VGF: variants seen among roughly 807,000 people sequenced by gnomAD.
VGF encodes the protein VGF nerve growth factor inducible.
VGF carries 13 observed loss-of-function variants against 41.1 expected under a neutral mutation model. The ratio of observed to expected loss-of-function variants is 0.32; its 90% CI spans 0.21 to 0.50. The LOEUF (loss-of-function observed/expected upper bound fraction) is 0.50. VGF is among the 20% of genes least tolerant of loss of function. The pLI is 0.98. For synonymous variants in VGF, 473 were observed against 418.3 expected (o/e 1.13, Z -1.60); for missense variants, 920 against 882.1 (o/e 1.04, Z -0.54).
Position 101,164,499 on chromosome 7 carries a change from C to CTGGCTGCTGAAGA in VGF, c.344_345insTCTTCAGCAGCCA (p.Thr116LeufsTer62). ...GGGTCTGGCTGCGCACGGTCTCGGT[C>CTGGCTGCTGAAGA]AGCAGAGCTTCAGCTGCTTCTTCCT... On this transcript the variant is annotated frameshift_variant, in exon 2 of 2. Transcript: ENST00000249330. LOFTEE classifies it high-confidence loss of function. The CTGGCTGCTGAAGA allele has an allele frequency of 6.2e-7, 1 of 1,601,056 alleles. No homozygotes were observed.
upstream of VGF, among the ~76,000 whole-genome samples, chr7:101,167,555 G>A (rs1288419324): frequency 6.6e-6 from 1 of 152,110 alleles, no homozygotes; most frequent in African/African-American, 2.4e-5. This position sits in a 1 kb window ranked among gnomAD's most constrained non-coding sequence, Gnocchi z 4.2. Context: ...TTCCTGAGGA[G>A]GATGAATCAG....
chr7:101,167,822 C>T (rs572557297), upstream of VGF, among the ~76,000 whole-genome samples: 116 of 150,018 alleles, frequency 7.7e-4, no homozygotes, highest in Middle Eastern at 3.4e-3. The surrounding 1 kb of genome is among the most constrained non-coding windows in gnomAD (Gnocchi z 4.2). Flanking sequence ...GATACATGGC[C>T]GGGGCGGGGA....
intron 1 of VGF, 45 bp from the exon 2 acceptor site, chr7:101,164,908 T>C: frequency 6.8e-7 from 1 of 1,481,280 alleles, no homozygotes; most frequent in Non-Finnish European, 9.0e-7. Flanking sequence ...CTGTAAGAAT[T>C]CCCCTCTCTA....
rs773777980 is a variant in VGF, at chr7:101,164,394, G to T, written c.450C>A (p.Ser150Arg). ...PQTPENGPEASDPSEELEALA... is the reference protein window; with the variant it reads ...PQTPENGPEARDPSEELEALA... ...GCGCCTCGAGCTCCTCGGAGGGATC[G>T]CTCGCCTCGGGCCCATTCTCCGGAG... Residue 150 changes from serine (S) to arginine (R), a missense_variant, in exon 2 of 2, where the codon AGC (serine) becomes AGA (arginine). Ser to Arg is a moderately radical substitution (Grantham distance 110). Transcript: ENST00000249330. The T allele has an allele frequency of 2.0e-5, 32 of 1,610,904 alleles. No homozygotes were observed. The highest frequency in any genetic ancestry group is 2.6e-5 in the Non-Finnish European group (31 of 1,179,824).
chr7:101,165,900 G>C (rs1008451619), upstream of VGF, among the ~76,000 whole-genome samples: 1 of 152,262 alleles, frequency 6.6e-6, no homozygotes, highest in African/African-American at 2.4e-5. Flanking sequence ...AGAATGAATG[G>C]AAGGGTGGAT....
chr7:101,164,935 C>T (rs1797194524), intron 1 of VGF, 72 bp from the exon 2 acceptor site: 2 of 1,433,450 alleles, frequency 1.4e-6, no homozygotes, highest in East Asian at 2.5e-5. Flanking sequence ...CGTTCCCTTC[C>T]CCCACCTTTC....
Position 101,163,810 on chromosome 7 carries a change from C to T in VGF, c.1034G>A (p.Gly345Asp). ...YLLQGGARQR[G>D]LGGRGLQEAA... ...CTCCTGCAGCCCCCGACCCCCGAGG[C>T]CGCGCTGCCGGGCCCCGCCCTGCAG... The change falls in exon 2 of 2, where the codon GGC becomes GAC. Residue 345 changes from glycine (G) to aspartate (D), a missense_variant. This residue lies in a region of VGF where 654 missense variants were observed against 638.4 expected (regional missense o/e 1.02). Transcript: ENST00000249330. The surrounding 1 kb of genome is among the most constrained non-coding windows in gnomAD (Gnocchi z 5.0). The T allele has an allele frequency of 6.5e-7, 1 of 1,533,202 alleles. No homozygotes were observed. Among genetic ancestry groups the T allele is most frequent in the Non-Finnish European group, 8.7e-7 (1 of 1,144,890 alleles). 95.0% of individuals were successfully genotyped at this position (1,533,202 alleles called of 1,614,324 possible).
chr7:101,168,586 C>A (rs1244024366), upstream of VGF, among the ~76,000 whole-genome samples: 4 of 152,164 alleles, frequency 2.6e-5, no homozygotes, highest in Non-Finnish European at 5.9e-5. Context: ...ATATGGGGAC[C>A]TAGTTGGGGA....
Position 101,163,791 on chromosome 7 carries a change from C to T in VGF, c.1053G>A (p.Leu351=), listed in dbSNP as rs1797163047. ...ARQRGLGGRG[L]QEAAEERESA... is the part of the protein sequence containing the mutation. ...TCTCTCGCTCCTCCGCCGCCTCCTG[C>T]AGCCCCCGACCCCCGAGGCCGCGCT... The change falls in exon 2 of 2, where the codon CTG becomes CTA. Residue 351 remains leucine (L), a synonymous_variant. Coordinates refer to ENST00000249330, the MANE Select transcript of VGF (RefSeq NM_003378.4). This position sits in a 1 kb window ranked among gnomAD's most constrained non-coding sequence, Gnocchi z 5.0. The T allele has an allele frequency of 3.9e-6, 6 of 1,532,518 alleles. No homozygotes were observed. Among genetic ancestry groups the T allele is most frequent in the Non-Finnish European group, 5.2e-6 (6 of 1,143,878 alleles). The allele number at this position is 1,532,518 out of a possible 1,614,324, so 94.9% of individuals were successfully genotyped here.
chr7:101,168,184 C>A (rs1474116356), upstream of VGF, among the ~76,000 whole-genome samples: 2 of 152,084 alleles, frequency 1.3e-5, no homozygotes, highest in Non-Finnish European at 2.9e-5. Flanking sequence ...ACATCCCTCC[C>A]TTCCTCCACT....
intron 1 of VGF, 112 bp from the exon 2 acceptor site, chr7:101,164,975 C>T: frequency 7.1e-7 from 1 of 1,405,464 alleles, no homozygotes; most frequent in South Asian, 1.8e-5. Context: ...CCCTGATCCC[C>T]CAAACCTTAC....
In VGF at chr7:101,162,991, G is replaced by T. The variant is rs770089706; in HGVS notation, c.*5C>A. The T allele has an allele frequency of 7.2e-7, 1 of 1,388,604 alleles. No homozygotes were observed. 86.0% of individuals were successfully genotyped at this position (1,388,604 alleles called of 1,614,324 possible). A position where few individuals can be genotyped will look rare whatever the true frequency, so the allele number is the denominator to read the frequency against. On this transcript the variant is annotated 3_prime_UTR_variant, in exon 2 of 2. Transcript: ENST00000249330. The surrounding 1 kb of genome is among the most constrained non-coding windows in gnomAD (Gnocchi z 4.2). ...GGCGCGCGGGGGCGGGACCGGGAAG[G>T]GCAGTCACGGGCGCCGGAGCAGCAC...
chr7:101,166,793 A>C, upstream of VGF, among the ~76,000 whole-genome samples: 1 of 40,084 alleles, frequency 2.5e-5, no homozygotes, highest in South Asian at 8.8e-4. Flanking sequence ...GAGGACGGAA[A>C]TGGGGAGGGG....
rs768024131 is a variant in VGF at position 101,163,744 on chromosome 7, GCCTCCT to G, written c.1094_1099del (p.Glu365_Glu366del). ...CTCCCCGCCGCGTCTCTCCTGCTCC[GCCTCCT>G]CCTCCTCCCTTGCACTCTCTCGCTC... On this transcript the variant is annotated inframe_deletion, in exon 2 of 2. Transcript: ENST00000249330. The surrounding 1 kb of genome is among the most constrained non-coding windows in gnomAD (Gnocchi z 5.0). 3 of 1,532,674 alleles carry G rather than the reference GCCTCCT, an allele frequency of 2.0e-6. No individual in the cohort carries two copies. Among genetic ancestry groups the G allele is most frequent in the African/African-American group, 1.4e-5 (1 of 72,456 alleles). 94.9% of individuals were successfully genotyped at this position (1,532,674 alleles called of 1,614,324 possible).
upstream of VGF, among the ~76,000 whole-genome samples, chr7:101,167,078 G>T (rs1460637485): frequency 6.6e-6 from 1 of 151,958 alleles, no homozygotes; most frequent in Admixed American, 6.6e-5. This position sits in a 1 kb window ranked among gnomAD's most constrained non-coding sequence, Gnocchi z 4.2. Context: ...AACGGTCCTC[G>T]CCCCCCTCCT....
Position 101,163,517 on chromosome 7 carries a change from C to T in VGF, c.1327G>A (p.Asp443Asn). 1.2e-6 allele frequency: 2 copies of T among 1,610,210 alleles called. No individual in the cohort carries two copies. The highest frequency in any genetic ancestry group is 1.7e-6 in the Non-Finnish European group (2 of 1,178,616). Residue 443 changes from aspartate to asparagine, a missense_variant, in exon 2 of 2, where the codon GAC becomes AAC. Around this residue, in one of 3 missense-constraint regions of VGF, gnomAD observed 654 missense variants for 638.4 expected, o/e 1.02. Coordinates refer to ENST00000249330, the MANE Select transcript of VGF (RefSeq NM_003378.4). This position sits in a 1 kb window ranked among gnomAD's most constrained non-coding sequence, Gnocchi z 5.0. Reference sequence around the variant, plus strand: ...GTCTGCGGATCCATCTCCTCGTCGTCCTCCTCCTCCCCGCCCTCCTCTGTC... The same window carrying T: ...GTCTGCGGATCCATCTCCTCGTCGTTCTCCTCCTCCCCGCCCTCCTCTGTC... ...EGTEEGGEEE[D>N]DEEMDPQTID...
Position 101,163,310 on chromosome 7 carries a change from C to CG in VGF, c.1533dup (p.Ala512ArgfsTer173). 2.8e-6 allele frequency: 1 copy of CG among 353,264 alleles called. No homozygotes were observed. The highest frequency in any genetic ancestry group is 4.0e-6 in the Non-Finnish European group (1 of 252,070). The allele number at this position is 353,264 out of a possible 1,614,324, so 21.9% of individuals were successfully genotyped here. Reference sequence around the variant, plus strand: ...AGCTCGTCTCGTGCGGGAGCGGGGGCGGGGGGCGGGGGCTGCGGGGAGCGG... The same window carrying CG: ...AGCTCGTCTCGTGCGGGAGCGGGGGCGGGGGGGCGGGGGCTGCGGGGAGCGG... On this transcript the variant is annotated frameshift_variant, in exon 2 of 2. Transcript: ENST00000249330. LOFTEE classifies it high-confidence loss of function. The surrounding 1 kb of genome is among the most constrained non-coding windows in gnomAD (Gnocchi z 5.0).
Position 101,163,363 on chromosome 7 carries a change from G to A in VGF, c.1481C>T (p.Pro494Leu). 1.3e-6 allele frequency: 2 copies of A among 1,536,230 alleles called. No homozygotes were observed. Among genetic ancestry groups the A allele is most frequent in the South Asian group, 2.4e-5 (2 of 84,144 alleles). Residue 494 changes from proline (P) to leucine (L), a missense_variant, in exon 2 of 2, where the codon CCC becomes CTC. By Grantham distance (98) the Pro-to-Leu change is moderately conservative (BLOSUM62 -3). Around this residue, in one of 3 missense-constraint regions of VGF, gnomAD observed 257 missense variants for 217.2 expected, o/e 1.18. Coordinates refer to ENST00000249330, the MANE Select transcript of VGF (RefSeq NM_003378.4). This position sits in a 1 kb window ranked among gnomAD's most constrained non-coding sequence, Gnocchi z 5.0. The part of the protein sequence containing the change: ...KNAPPEPVPP[P>L]RAAPAPTHVR... ...GTGGGTGGGGGCGGGGGCGGCACGG[G>A]GGGGCGGCACGGGCTCGGGAGGGGC...
Position 101,164,068 on chromosome 7 carries a change from C to T in VGF, c.776G>A (p.Gly259Asp). The T allele has an allele frequency of 3.3e-6, 5 of 1,500,034 alleles. No homozygotes were observed. In the East Asian group the frequency reaches 9.1e-5, roughly 27 times the overall value. The allele number at this position is 1,500,034 out of a possible 1,614,324, so 92.9% of individuals were successfully genotyped here. A position where few individuals can be genotyped will look rare whatever the true frequency, so the allele number is the denominator to read the frequency against. ...CTTGGACAGGGGTGCCAATGCCTCG[C>T]CTAGGTGTGTTTTGGGGGAGGACAC... ...EGVSSPKTHL[G>D]EALAPLSKAY... is the part of the protein sequence containing the mutation. The change falls in exon 2 of 2, where the codon GGC (glycine) becomes GAC (aspartate). Residue 259 changes from glycine (G) to aspartate (D), a missense_variant. By Grantham distance (94) the Gly-to-Asp change is moderately conservative (BLOSUM62 -1). This residue lies in a region of VGF where 654 missense variants were observed against 638.4 expected (regional missense o/e 1.02). Coordinates refer to ENST00000249330, the MANE Select transcript of VGF (RefSeq NM_003378.4).
Sources: allele counts gnomAD v4.1 joint callset (sites outside exome capture counted in the v4.1 genomes callset), GRCh38; gene constraint gnomAD v4.1.1; regional missense constraint gnomAD v4.1.1; non-coding constraint Gnocchi (gnomAD v3.1); transcripts MANE v1.5; gene names NCBI Gene and HGNC (gene_info 2026-07-23, HGNC 2026-07-21).